Variants in LRP8 observed in about 807,000 individuals in gnomAD.
LRP8 encodes LDL receptor related protein 8, also known as low-density lipoprotein receptor-related protein 8.
Under a neutral mutation model 111.6 loss-of-function variants are expected in LRP8, and 46 were observed. The ratio of observed to expected loss-of-function variants is 0.41; its 90% CI spans 0.33 to 0.53. LRP8 has a LOEUF of 0.53. Ranked by LOEUF, LRP8 falls within the 20% of genes least tolerant of loss-of-function variation. The pLI, the probability that LRP8 is intolerant of heterozygous loss-of-function variation, is 0.20. For synonymous variants in LRP8, 464 were observed against 511.2 expected (o/e 0.91, Z 1.24); for missense variants, 959 against 1,297.4 (o/e 0.74, Z 4.01).
intron 15 of LRP8, among the ~76,000 whole-genome samples, 183 bp downstream of exon 15, chr1:53,257,057 G>A (rs537894704): frequency 1.3e-5 from 2 of 152,226 alleles, no homozygotes; most frequent in South Asian, 4.1e-4. Flanking sequence ...CCTCTGTAAG[G>A]TAGGGGCACC....
chr1:53,258,561 G>T, intron 13 of LRP8, 90 bp from the exon 14 acceptor site: 1 of 1,199,368 alleles, frequency 8.3e-7, no homozygotes, highest in Non-Finnish European at 1.2e-6. Flanking sequence ...CACCTGGCTT[G>T]CTCAAAAAGC....
chr1:53,320,004 A>G (rs1051173829), intron 2 of LRP8, among the ~76,000 whole-genome samples: 4 of 152,274 alleles, frequency 2.6e-5, no homozygotes, highest in Non-Finnish European at 5.9e-5. Context: ...GCCACTGACC[A>G]GCGGGGCCAC....
chr1:53,315,989 G>A (rs1024291460), intron 2 of LRP8, among the ~76,000 whole-genome samples: 1 of 152,044 alleles, frequency 6.6e-6, no homozygotes, highest in African/African-American at 2.4e-5. Flanking sequence ...GAGAGAACAG[G>A]GGCTCAAGCC....
intron 12 of LRP8, among the ~76,000 whole-genome samples, chr1:53,261,186 A>G (rs1327317083): frequency 2.0e-5 from 3 of 152,270 alleles, no homozygotes. Flanking sequence ...TGGTATATGT[A>G]TGTACACACA....
chr1:53,278,199 C>G (rs1028616612), intron 4 of LRP8, among the ~76,000 whole-genome samples: 7 of 152,356 alleles, frequency 4.6e-5, no homozygotes, highest in Middle Eastern at 3.4e-3. Flanking sequence ...CTTTCCTACT[C>G]TGACTCCTCC....
At chr1:53,312,732 G>A (rs1345793602) in intron 2 of LRP8, among the ~76,000 whole-genome samples, 3 of 152,104 alleles carry the variant, frequency 2.0e-5, no homozygotes, top group Non-Finnish European at 1.5e-5. Context: ...GACCTCCTGG[G>A]GACCTGAGAG....
intron 6 of LRP8, chr1:53,272,500 T>A (rs1312829284): frequency 4.6e-6 from 5 of 1,086,826 alleles, no homozygotes; most frequent in Non-Finnish European, 6.2e-6. Context: ...GAGCCAGCCA[T>A]GGCCATGCAT....
intron 18 of LRP8, among the ~76,000 whole-genome samples, chr1:53,248,613 A>G (rs1187483874): frequency 3.3e-5 from 5 of 152,250 alleles, no homozygotes; most frequent in African/African-American, 1.2e-4. Flanking sequence ...GGCGAATAAT[A>G]TCAGCTTGAT....
intron 12 of LRP8, among the ~76,000 whole-genome samples, chr1:53,261,781 C>T (rs1646348713): frequency 6.6e-6 from 1 of 152,134 alleles, no homozygotes; most frequent in Admixed American, 6.5e-5. Flanking sequence ...GGTTACAGTG[C>T]TGGGTGCTGA....
chr1:53,301,037 G>T (rs1414887041), intron 2 of LRP8, among the ~76,000 whole-genome samples: 2 of 152,180 alleles, frequency 1.3e-5, no homozygotes, highest in African/African-American at 4.8e-5. Flanking sequence ...GGGGTGGGGT[G>T]GAGTGGTGTG....
intron 16 of LRP8, among the ~76,000 whole-genome samples, chr1:53,252,396 T>G (rs889085620): frequency 6.6e-6 from 1 of 151,812 alleles, no homozygotes; most frequent in African/African-American, 2.4e-5. Flanking sequence ...ATTAGCCAGG[T>G]GTGGTGGTGC....
In LRP8 at chr1:53,281,475, C is replaced by T. The variant is rs75620032; in HGVS notation, c.368-760G>A. ...CCAAGGCAGATGCATCTCAGACCTC[C>T]GTGGTTGGCTCCCTTCAGCCTTCCA... is the stretch of plus-strand genomic sequence containing the variant. On this transcript the variant is annotated intron_variant, in intron 3 of 18. Transcript: ENST00000306052. Among the ~76,000 whole-genome samples the T allele has an allele frequency of 3.9e-3, 588 of 152,332 alleles. 2 individuals carry two copies. The highest frequency in any genetic ancestry group is 0.013 in the African/African-American group (552 of 41,580).
chr1:53,268,559 G>C (rs1646659028), intron 8 of LRP8: 1 of 152,170 alleles, frequency 6.6e-6, no homozygotes, highest in Non-Finnish European at 1.5e-5. Context: ...TATGGCTGCT[G>C]TATTGTTATA....
intron 2 of LRP8, among the ~76,000 whole-genome samples, chr1:53,316,287 T>G (rs1046203772): frequency 4.0e-5 from 6 of 151,714 alleles, no homozygotes; most frequent in African/African-American, 1.5e-4. Context: ...ACTTGGCCCC[T>G]ACAGTAGGCA....
Position 53,243,091 on chromosome 1 carries a change from T to C in LRP8, c.*3927A>G, listed in dbSNP as rs1645670561. The C allele has an allele frequency of 6.6e-6, 1 of 152,148 alleles. No individual in the cohort carries two copies. The highest frequency in any genetic ancestry group is 2.4e-5 in the African/African-American group (1 of 41,426). 9.4% of individuals were successfully genotyped at this position (152,148 alleles called of 1,614,324 possible). On this transcript the variant is annotated 3_prime_UTR_variant, in exon 19 of 19. Coordinates refer to ENST00000306052, the MANE Select transcript of LRP8 (RefSeq NM_004631.5). The stretch of plus-strand genomic sequence containing the variant: ...GTCTGTTACTCTATCTTCATGCATT[T>C]CGGGAAAAGGAATTATTTACTCTGA...
Position 53,293,210 on chromosome 1 carries a change from C to G in LRP8, c.245-3521G>C, listed in dbSNP as rs1649107653. Among the ~76,000 whole-genome samples, 1 of 152,230 alleles carries G rather than the reference C, an allele frequency of 6.6e-6. No homozygotes were observed. Among genetic ancestry groups the G allele is most frequent in the Non-Finnish European group, 1.5e-5 (1 of 68,050 alleles). ...CTTGTCCTCCTCCATGTGCCAAGCC[C>G]TGGCAGGCACTGGGCAAGGAGGCCA... On this transcript the variant is annotated intron_variant, in intron 2 of 18. Coordinates refer to ENST00000306052, the MANE Select transcript of LRP8 (RefSeq NM_004631.5). This position sits in a 1 kb window ranked among gnomAD's most constrained non-coding sequence, Gnocchi z 4.9.
chr1:53,327,764 C>T, intron 1 of LRP8, 25 bp downstream of exon 1: 1 of 1,490,896 alleles, frequency 6.7e-7, no homozygotes, highest in East Asian at 2.8e-5. Context: ...GGAGCAGAGC[C>T]GAGTCAGAGA....
intron 2 of LRP8, among the ~76,000 whole-genome samples, chr1:53,315,911 C>T (rs1281081552): frequency 6.6e-6 from 1 of 152,154 alleles, no homozygotes; most frequent in Non-Finnish European, 1.5e-5. Flanking sequence ...GACATCAGCA[C>T]AGGATCTTCA....
At chr1:53,258,494 C>G (rs757636661) in intron 13 of LRP8, 23 bp from the exon 14 acceptor site, 1 of 1,611,760 alleles carries the variant, frequency 6.2e-7, no homozygotes, top group Non-Finnish European at 8.5e-7. Flanking sequence ...AGGGAGACAG[C>G]TGGGGCACAG....
Sources: gnomAD v4.1 joint callset for allele counts (sites outside exome capture counted in the v4.1 genomes callset) on GRCh38, gnomAD v4.1.1 for gene constraint, Gnocchi (gnomAD v3.1) non-coding constraint, MANE v1.5 for transcripts, NCBI Gene and HGNC (gene_info 2026-07-23, HGNC 2026-07-21) for gene names.